The following DYM variants were observed in gnomAD, a reference collection of about 807,000 sequenced individuals.
The protein encoded by DYM is dymeclin.
In DYM, 78 loss-of-function variants were observed where a neutral mutation model predicts 93.1. That is an observed-to-expected ratio of 0.84 (90% CI 0.70 to 1.01). The LOEUF is 1.01. Ranked by LOEUF, DYM falls within the 50% of genes least tolerant of loss-of-function variation. The probability of loss-of-function intolerance (pLI) is 0.00; values close to 1 mark genes in which losing one functional copy is unlikely to be tolerated. For synonymous variants in DYM, 321 were observed against 319.7 expected (o/e 1.00, Z -0.04); for missense variants, 789 against 845.0 (o/e 0.93, Z 0.82).
At chr18:49,085,929 A>T (rs893129290) in intron 17 of DYM, among the ~76,000 whole-genome samples, 1 of 152,082 alleles carries the variant, frequency 6.6e-6, no homozygotes, top group Admixed American at 6.5e-5. Context: ...TTTAAGCACC[A>T]CAGTTATCTT....
chr18:49,383,165 CAT>C (rs2147762775), intron 3 of DYM, among the ~76,000 whole-genome samples: 1 of 152,272 alleles, frequency 6.6e-6, no homozygotes, highest in East Asian at 1.9e-4. Flanking sequence ...AATGTAAAGA[CAT>C]AACCAAAAAT....
intron 1 of DYM, among the ~76,000 whole-genome samples, chr18:49,441,090 T>A (rs1417247528): frequency 1.2e-4 from 1 of 8,636 alleles, no homozygotes; most frequent in African/African-American, 2.9e-4. Context: ...TATTATATAT[T>A]ATATATAAAT....
intron 13 of DYM, among the ~76,000 whole-genome samples, chr18:49,222,713 T>A (rs1312690666): frequency 6.6e-6 from 1 of 152,124 alleles, no homozygotes; most frequent in Non-Finnish European, 1.5e-5. Context: ...AACTCTAGTT[T>A]TGAAAATTAA....
chr18:49,336,804 G>GA (rs980929208), intron 6 of DYM, among the ~76,000 whole-genome samples: 1 of 151,902 alleles, frequency 6.6e-6, no homozygotes, highest in Non-Finnish European at 1.5e-5. Context: ...GACTATAAAG[G>GA]AAAAAAACAA....
chr18:49,439,038 C>T (rs2081093742), intron 1 of DYM, among the ~76,000 whole-genome samples: 1 of 152,320 alleles, frequency 6.6e-6, no homozygotes, highest in African/African-American at 2.4e-5. Context: ...GCTCTTCTTT[C>T]TCTAAATCTG....
chr18:49,145,308 A>C (rs1321003999), intron 15 of DYM, among the ~76,000 whole-genome samples: 1 of 151,658 alleles, frequency 6.6e-6, no homozygotes, highest in Non-Finnish European at 1.5e-5. Context: ...TGTGTCTTTA[A>C]GGTATAGCCT....
rs549723125 is a variant in DYM at position 49,098,065 on chromosome 18, C to G, written c.1912-550G>C. 2.0e-5 allele frequency among the ~76,000 whole-genome samples: 3 copies of G among 152,216 alleles called. No individual in the cohort carries two copies. The East Asian group carries it at 5.8e-4, about 29-fold the overall frequency. On this transcript the variant is annotated intron_variant, in intron 16 of 17. Transcript: ENST00000675505. The stretch of plus-strand genomic sequence containing the variant: ...TTTTGCTTCATGTTATAGCACAGCC[C>G]AAAGTATGCAGCAAGATATTAACAC...
At chr18:49,044,933 G>GGCA (rs1239113639) in intron 17 of DYM, among the ~76,000 whole-genome samples, 7 of 152,256 alleles carry the variant, frequency 4.6e-5, no homozygotes, top group African/African-American at 1.7e-4. Context: ...AGTGGCCTAA[G>GGCA]GCAGCACTTG....
chr18:49,049,414 T>A (rs2072087666), intron 17 of DYM, among the ~76,000 whole-genome samples: 1 of 152,164 alleles, frequency 6.6e-6, no homozygotes, highest in Non-Finnish European at 1.5e-5. Context: ...GTCCCAGCCT[T>A]CAAGAGCTAA....
intron 8 of DYM, among the ~76,000 whole-genome samples, chr18:49,317,589 CT>C (rs1568235837): frequency 1.7e-3 from 19 of 11,102 alleles, no homozygotes; most frequent in African/African-American, 0.011. Flanking sequence ...CTCTCTCTCT[CT>C]CTCTCTCCCC....
chr18:49,087,871 G>A (rs903585884), intron 17 of DYM, among the ~76,000 whole-genome samples: 1 of 152,102 alleles, frequency 6.6e-6, no homozygotes, highest in Non-Finnish European at 1.5e-5. Flanking sequence ...GATGGCCAGT[G>A]ATGATGAGCA....
At chr18:49,173,922 A>T (rs1165883296) in intron 14 of DYM, among the ~76,000 whole-genome samples, 1 of 152,056 alleles carries the variant, frequency 6.6e-6, no homozygotes, top group Non-Finnish European at 1.5e-5. Context: ...TATTCTTGCC[A>T]TTTTCCTGAT....
At position 49,328,329 on chromosome 18, in the gene DYM, CATG is replaced by C. The variant is rs1373592923; in HGVS notation, c.763+3532_763+3534del. ...AGCCAGGAGAGCAAAGGAAGTTCTTCATGGAGAAGGTGGAACTCAAGACGGTCC... is the reference window on the plus strand; with the variant it reads ...AGCCAGGAGAGCAAAGGAAGTTCTTCGAGAAGGTGGAACTCAAGACGGTCC... On this transcript the variant is annotated intron_variant, in intron 8 of 17. Transcript: ENST00000675505. Among the ~76,000 whole-genome samples the C allele has an allele frequency of 2.6e-5, 4 of 152,070 alleles. No homozygotes were observed. The East Asian group carries it at 5.8e-4, about 22-fold the overall frequency.
intron 2 of DYM, among the ~76,000 whole-genome samples, chr18:49,410,180 C>T (rs2072061119): frequency 6.6e-6 from 1 of 152,136 alleles, no homozygotes. Flanking sequence ...ATCCTCCCAC[C>T]TCAGCCTCCC....
At chr18:49,141,029 GTT>G (rs1456418413) in intron 15 of DYM, among the ~76,000 whole-genome samples, 1 of 152,120 alleles carries the variant, frequency 6.6e-6, no homozygotes, top group Non-Finnish European at 1.5e-5. Flanking sequence ...CGCTCTTGTG[GTT>G]TTTCTGATTC....
At chr18:49,453,223 A>C in intron 1 of DYM, among the ~76,000 whole-genome samples, 3 of 149,764 alleles carry the variant, frequency 2.0e-5, no homozygotes, top group Non-Finnish European at 3.0e-5. Context: ...TGTCGAGCTC[A>C]GGGATTGTAC....
At position 49,040,546 on chromosome 18, in the gene DYM, A is replaced by G. The variant is rs2143981879; in HGVS notation, c.*3509T>C. On this transcript the variant is annotated 3_prime_UTR_variant, in exon 18 of 18. Coordinates refer to ENST00000675505, the MANE Select transcript of DYM (RefSeq NM_001353214.3). ...AGCTAGCTTAGCTCTTCATCACTGA[A>G]TAGAAACTGACCTCTTTGACTCCAG... Among the ~76,000 whole-genome samples the G allele has an allele frequency of 6.6e-6, 1 of 152,346 alleles. No individual in the cohort carries two copies. Among genetic ancestry groups the G allele is most frequent in the South Asian group, 2.1e-4 (1 of 4,826 alleles).
intron 8 of DYM, among the ~76,000 whole-genome samples, chr18:49,317,557 C>G (rs1029707098): frequency 3.1e-4 from 4 of 13,030 alleles, no homozygotes; most frequent in African/African-American, 3.6e-4. Flanking sequence ...AGATTTCTCT[C>G]TCTCTCTCTC....
intron 5 of DYM, among the ~76,000 whole-genome samples, chr18:49,377,245 T>C (rs1162319787): frequency 6.6e-6 from 1 of 152,182 alleles, no homozygotes; most frequent in Non-Finnish European, 1.5e-5. Flanking sequence ...GAATCTTTTC[T>C]ACTTCCCCAT....
Sources: gnomAD v4.1 joint callset for allele counts (sites outside exome capture counted in the v4.1 genomes callset) on GRCh38, gnomAD v4.1.1 for gene constraint, MANE v1.5 for transcripts, NCBI Gene and HGNC (gene_info 2026-07-23, HGNC 2026-07-21) for gene names.